TMIGD1: variants seen among roughly 807,000 people sequenced by gnomAD.
TMIGD1 encodes transmembrane and immunoglobulin domain-containing protein 1.
A neutral mutation model predicts 27.5 loss-of-function variants in TMIGD1; 29 were observed. The ratio of observed to expected loss-of-function variants is 1.05; its 90% CI spans 0.78 to 1.44. TMIGD1 has a LOEUF of 1.44. Ranked by LOEUF, TMIGD1 falls within the 40% of genes most tolerant of loss-of-function variation. The pLI, the probability that TMIGD1 is intolerant of heterozygous loss-of-function variation, is 0.00. For synonymous variants in TMIGD1, 109 were observed against 110.3 expected, an observed-to-expected ratio of 0.99 and a Z score of 0.07; for missense variants, 334 against 310.6, an observed-to-expected ratio of 1.08 and a Z score of -0.57.
chr17:30,325,241 G>T, intron 3 of TMIGD1, 147 bp from the exon 4 acceptor site: 1 of 766,180 alleles, frequency 1.3e-6, no homozygotes, highest in Non-Finnish European at 2.0e-6. Flanking sequence ...AAGCACTGGG[G>T]TAACAAGGGC....
intron 4 of TMIGD1, among the ~76,000 whole-genome samples, chr17:30,324,415 A>T (rs1909709817): frequency 6.6e-6 from 1 of 151,992 alleles, no homozygotes; most frequent in African/African-American, 2.4e-5. Flanking sequence ...GATTGTAGGG[A>T]TCCATTTTCT....
intron 4 of TMIGD1, among the ~76,000 whole-genome samples, chr17:30,320,986 T>C (rs1262720666): frequency 6.6e-6 from 1 of 152,180 alleles, no homozygotes; most frequent in Non-Finnish European, 1.5e-5. Flanking sequence ...GCCTCCCAAG[T>C]AGCTGGTACT....
chr17:30,329,360 G>A lies in TMIGD1; in HGVS notation c.252C>T (p.Ser84=). ...VDLKSGNKIN[S]SSVCVSSISE... ...TGATGGAAGAGACACAGACAGAGCTGGAATTGATTTTGTTTCCAGATTTCA... is the reference window on the plus strand; with the variant it reads ...TGATGGAAGAGACACAGACAGAGCTAGAATTGATTTTGTTTCCAGATTTCA... The change falls in exon 3 of 7, where the codon TCC becomes TCT. Residue 84 remains serine (S), a synonymous_variant. Transcript: ENST00000328886. The A allele has an allele frequency of 6.2e-7, 1 of 1,614,084 alleles. No individual in the cohort carries two copies. The highest frequency in any genetic ancestry group is 8.5e-7 in the Non-Finnish European group (1 of 1,180,032).
intron 1 of TMIGD1, among the ~76,000 whole-genome samples, 160 bp downstream of exon 1, chr17:30,333,840 T>G (rs2143198887): frequency 6.6e-6 from 1 of 152,312 alleles, no homozygotes. Flanking sequence ...GCAGGCTTCT[T>G]GCCAGACCTC....
chr17:30,322,430 G>T (rs980444432), intron 4 of TMIGD1, among the ~76,000 whole-genome samples: 1 of 152,184 alleles, frequency 6.6e-6, no homozygotes, highest in East Asian at 1.9e-4. Flanking sequence ...TCAGTCACAG[G>T]TTGGAATATT....
intron 2 of TMIGD1, among the ~76,000 whole-genome samples, chr17:30,330,442 C>T (rs1165470504): frequency 6.6e-6 from 1 of 152,078 alleles, no homozygotes. Flanking sequence ...AAGGTATAAA[C>T]TTTAGGCAAA....
At chr17:30,325,162 T>C in intron 3 of TMIGD1, 68 bp from the exon 4 acceptor site, 2 of 1,493,502 alleles carry the variant, frequency 1.3e-6, no homozygotes, top group South Asian at 1.3e-5. Context: ...GTTCAAAGTC[T>C]TCCTTCAATC....
chr17:30,320,694 C>T (rs1909589532), intron 4 of TMIGD1, among the ~76,000 whole-genome samples: 1 of 152,058 alleles, frequency 6.6e-6, no homozygotes, highest in Admixed American at 6.6e-5. Flanking sequence ...GAATGAAACT[C>T]TCAAAAGTAA....
At chr17:30,319,261 A>AAATATATATAT in intron 4 of TMIGD1, among the ~76,000 whole-genome samples, 5 of 69,032 alleles carry the variant, frequency 7.2e-5, no homozygotes, top group South Asian at 4.2e-4. Flanking sequence ...AAAAAAAAAA[A>AAATATATATAT]ATATATATAT....
intron 4 of TMIGD1, among the ~76,000 whole-genome samples, chr17:30,319,238 T>TAAAAAAAAAAAAA (rs1344600635): frequency 2.0e-5 from 1 of 50,502 alleles, no homozygotes; most frequent in Non-Finnish European, 3.6e-5. Flanking sequence ...ACCCCATCTG[T>TAAAAAAAAAAAAA]AAAAAAAAAA....
chr17:30,324,823 AAT>A lies in TMIGD1; in HGVS notation c.631_632del (p.Ile211CysfsTer2). ...ACTTAAAAAGAGCATTACCTTTAAC[AAT>A]CAGGTGAAAGTCCAAGCTCTCCGTT... ...LKTESLDFHL[I>X]VKDKTVGVPI... On this transcript the variant is annotated frameshift_variant, in exon 4 of 7. Transcript: ENST00000328886. LOFTEE classifies it high-confidence loss of function. 4 of 1,613,758 alleles carry A rather than the reference AAT, an allele frequency of 2.5e-6. No individual in the cohort carries two copies. Among genetic ancestry groups the A allele is most frequent in the Non-Finnish European group, 3.4e-6 (4 of 1,179,680 alleles).
At chr17:30,331,908 A>C in intron 2 of TMIGD1, 144 bp downstream of exon 2, 1 of 577,916 alleles carries the variant, frequency 1.7e-6, no homozygotes, top group Non-Finnish European at 3.1e-6. Flanking sequence ...TTTTATTGTT[A>C]GTTGACTCCT....
At position 30,325,099 on chromosome 17, in the gene TMIGD1, A is replaced by C. The variant is rs777941326; in HGVS notation, c.362-5T>G. The C allele has an allele frequency of 6.2e-7, 1 of 1,606,178 alleles. No individual in the cohort carries two copies. Among genetic ancestry groups the C allele is most frequent in the East Asian group, 2.2e-5 (1 of 44,722 alleles). ...TTCCACTTAGGAGAGGAGGAACTGC[A>C]AGACTCAAGCATTTAGATTTAATTA... On this transcript the variant is annotated splice_region_variant and splice_polypyrimidine_tract_variant and intron_variant, in intron 3 of 6. Coordinates refer to ENST00000328886, the MANE Select transcript of TMIGD1 (RefSeq NM_206832.3).
chr17:30,328,757 A>T (rs1049240347), intron 3 of TMIGD1, among the ~76,000 whole-genome samples: 3 of 152,190 alleles, frequency 2.0e-5, no homozygotes, highest in African/African-American at 7.2e-5. Flanking sequence ...GGAGCTTGAG[A>T]CCAGCCTGGC....
intron 1 of TMIGD1, 148 bp from the exon 2 acceptor site, chr17:30,332,306 C>G (rs914470194): frequency 7.0e-5 from 37 of 526,632 alleles, no homozygotes; most frequent in Middle Eastern, 4.8e-4. Context: ...ATTAAACAAC[C>G]CTGTCTGACT....
Position 30,316,528 on chromosome 17 carries a change from A to G in TMIGD1, c.*159T>C. Reference sequence around the variant, plus strand: ...AGCTCTTTCCATAAAAATGTTCCACAAGTGTATCAAATTAGTCCTAACAAC... The same window carrying G: ...AGCTCTTTCCATAAAAATGTTCCACGAGTGTATCAAATTAGTCCTAACAAC... On this transcript the variant is annotated 3_prime_UTR_variant, in exon 7 of 7. Coordinates refer to ENST00000328886, the MANE Select transcript of TMIGD1 (RefSeq NM_206832.3). 1 of 660,916 alleles carries G rather than the reference A, an allele frequency of 1.5e-6. No individual in the cohort carries two copies. Among genetic ancestry groups the G allele is most frequent in the Non-Finnish European group, 2.6e-6 (1 of 391,686 alleles). 40.9% of individuals were successfully genotyped at this position (660,916 alleles called of 1,614,324 possible).
At chr17:30,323,862 G>A (rs189022769) in intron 4 of TMIGD1, among the ~76,000 whole-genome samples, 5 of 152,232 alleles carry the variant, frequency 3.3e-5, no homozygotes, top group African/African-American at 9.6e-5. Flanking sequence ...TTAGTGCTCC[G>A]CAGGACGAAT....
chr17:30,325,355 C>A (rs1567849920), intron 3 of TMIGD1, among the ~76,000 whole-genome samples: 1 of 152,138 alleles, frequency 6.6e-6, no homozygotes, highest in Non-Finnish European at 1.5e-5. Flanking sequence ...TAGTAATGAT[C>A]TATGACAAGC....
intron 1 of TMIGD1, among the ~76,000 whole-genome samples, chr17:30,333,468 TA>T (rs764319232): frequency 2.6e-5 from 4 of 151,242 alleles, no homozygotes; most frequent in East Asian, 3.9e-4. Context: ...AATAAAAAAA[TA>T]AAAAAAAGCT....
Sources: gnomAD v4.1 joint callset for allele counts (sites outside exome capture counted in the v4.1 genomes callset) on GRCh38, gnomAD v4.1.1 for gene constraint, MANE v1.5 for transcripts, NCBI Gene and HGNC (gene_info 2026-07-23, HGNC 2026-07-21) for gene names.